OXR1: variants seen among roughly 807,000 people sequenced by gnomAD.
The protein encoded by OXR1 is oxidation resistance protein 1.
Under a neutral mutation model 104.6 loss-of-function variants are expected in OXR1, and 41 were observed. That is an observed-to-expected ratio of 0.39 (90% CI 0.31 to 0.51). The LOEUF is 0.51. Ranked by LOEUF, OXR1 falls within the 20% of genes least tolerant of loss-of-function variation. The pLI is 0.77. For synonymous variants in OXR1, 348 were observed against 348.4 expected, an observed-to-expected ratio of 1.00 and a Z score of 0.01; for missense variants, 955 against 1,031.9, an observed-to-expected ratio of 0.93 and a Z score of 1.02.
intron 8 of OXR1, 130 bp downstream of exon 8, chr8:106,703,220 A>G (rs982674861): frequency 3.4e-6 from 2 of 582,812 alleles, no homozygotes; most frequent in African/African-American, 3.7e-5. Flanking sequence ...AAACGAAAAT[A>G]TATGCATTAT....
At chr8:106,330,540 T>C (rs760802350) in intron 1 of OXR1, among the ~76,000 whole-genome samples, 9 of 152,214 alleles carry the variant, frequency 5.9e-5, no homozygotes, top group Non-Finnish European at 7.3e-5. Context: ...TTTCTAGGGT[T>C]ATTAGAGAAA....
intron 11 of OXR1, among the ~76,000 whole-genome samples, chr8:106,715,019 T>C (rs1253163787): frequency 3.3e-5 from 5 of 152,168 alleles, no homozygotes; most frequent in African/African-American, 1.2e-4. Flanking sequence ...TAAACCAACA[T>C]TATCAATCTT....
intron 3 of OXR1, among the ~76,000 whole-genome samples, chr8:106,552,978 T>TATA (rs1815971776): frequency 1.3e-5 from 2 of 152,194 alleles, no homozygotes; most frequent in African/African-American, 4.8e-5. Flanking sequence ...TCTCCTTCTC[T>TATA]TTTATTCCCC....
intron 2 of OXR1, among the ~76,000 whole-genome samples, chr8:106,371,927 C>G (rs1033793620): frequency 6.6e-6 from 1 of 152,190 alleles, no homozygotes; most frequent in Non-Finnish European, 1.5e-5. Flanking sequence ...GAAATGGGTG[C>G]TGCCCTTCCC....
rs200739553 is a variant in OXR1 at position 106,283,975 on chromosome 8, C to CT, written c.-139+13618dup. 8.7e-5 allele frequency among the ~76,000 whole-genome samples: 13 copies of CT among 149,354 alleles called. 1 individual carries two copies. Among genetic ancestry groups the CT allele is most frequent in the South Asian group, 8.5e-4 (4 of 4,710 alleles). On this transcript the variant is annotated intron_variant, in intron 1 of 16. Transcript: ENST00000517566. ...AACAGCAGTTTTAGGTTGCATGAAA[C>CT]TTTTTTTTTTAACCCTTTGACCAGC...
At position 106,707,194 on chromosome 8, in the gene OXR1, C is replaced by T. The variant is rs762698488; in HGVS notation, c.1624+49C>T. 3.9e-6 allele frequency: 6 copies of T among 1,554,676 alleles called. No individual in the cohort carries two copies. The Admixed American group carries it at 1.0e-4, about 26-fold the overall frequency. ...GTTAGTTCATCCAATTGTATGGTGT[C>T]TCCGTCTTTCCTCACTGACTCAAAA... On this transcript the variant is annotated intron_variant, in intron 9 of 16. Transcript: ENST00000517566.
At chr8:106,486,547 G>A (rs746967113) in intron 2 of OXR1, among the ~76,000 whole-genome samples, 9 of 152,094 alleles carry the variant, frequency 5.9e-5, no homozygotes, top group South Asian at 2.1e-4. Context: ...AATACTGGTC[G>A]TTTTGTGAAT....
intron 3 of OXR1, among the ~76,000 whole-genome samples, chr8:106,653,844 A>G (rs1228694961): frequency 1.3e-5 from 2 of 152,026 alleles, no homozygotes; most frequent in African/African-American, 4.8e-5. Context: ...AATGTTAAGA[A>G]ATCCATTTAA....
chr8:106,290,783 TCAAA>T (rs1812714633), intron 1 of OXR1, among the ~76,000 whole-genome samples: 1 of 151,988 alleles, frequency 6.6e-6, no homozygotes, highest in African/African-American at 2.4e-5. Context: ...ATTATTAAAG[TCAAA>T]CAAGAGACGA....
intron 2 of OXR1, among the ~76,000 whole-genome samples, chr8:106,413,925 A>G (rs1331517511): frequency 6.6e-6 from 1 of 151,962 alleles, no homozygotes; most frequent in Non-Finnish European, 1.5e-5. Flanking sequence ...ACAGGGTTTC[A>G]CCATGTTGAC....
At chr8:106,479,513 A>G (rs1821990965) in intron 2 of OXR1, among the ~76,000 whole-genome samples, 1 of 151,978 alleles carries the variant, frequency 6.6e-6, no homozygotes, top group Non-Finnish European at 1.5e-5. Context: ...AATTCCAGAG[A>G]GCACTATTGC....
chr8:106,651,873 G>A (rs1325873421), intron 3 of OXR1, among the ~76,000 whole-genome samples: 1 of 151,954 alleles, frequency 6.6e-6, no homozygotes, highest in East Asian at 1.9e-4. Context: ...ACAATATTAA[G>A]TTTTCTAGTC....
At chr8:106,644,943 T>G (rs1012603203) in intron 3 of OXR1, among the ~76,000 whole-genome samples, 5 of 152,206 alleles carry the variant, frequency 3.3e-5, no homozygotes, top group Non-Finnish European at 7.3e-5. Flanking sequence ...CAGCTGATTC[T>G]CATTATCAAC....
intron 3 of OXR1, among the ~76,000 whole-genome samples, chr8:106,536,639 T>C (rs1257159492): frequency 6.6e-6 from 1 of 152,186 alleles, no homozygotes; most frequent in Non-Finnish European, 1.5e-5. Context: ...TTTTAATTTT[T>C]GTGGGTACAT....
At chr8:106,339,300 C>G (rs2130257200) in intron 1 of OXR1, among the ~76,000 whole-genome samples, 1 of 150,992 alleles carries the variant, frequency 6.6e-6, no homozygotes, top group Middle Eastern at 3.4e-3. Flanking sequence ...TAGAGACCAT[C>G]CTGGCTAACA....
chr8:106,335,228 C>T (rs1444268771), intron 1 of OXR1, among the ~76,000 whole-genome samples: 3 of 152,090 alleles, frequency 2.0e-5, no homozygotes, highest in African/African-American at 7.2e-5. Context: ...GGAAGCTTGC[C>T]TAGCTTCCCT....
In OXR1 at chr8:106,543,450, T is replaced by C. The variant is rs146229059; in HGVS notation, c.220+24311T>C. Among the ~76,000 whole-genome samples, 92 of 152,238 alleles carry C rather than the reference T, an allele frequency of 6.0e-4. No homozygotes were observed. In the East Asian group the frequency reaches 0.016, roughly 26 times the overall value. Reference sequence around the variant, plus strand: ...ATTCTTAACCACAACTGGTATGGTATCTTTAAAATTTTATGAAAAGCTACT... The same window carrying C: ...ATTCTTAACCACAACTGGTATGGTACCTTTAAAATTTTATGAAAAGCTACT... On this transcript the variant is annotated intron_variant, in intron 3 of 16. Coordinates refer to ENST00000517566, the MANE Select transcript of OXR1 (RefSeq NM_001198533.2).
chr8:106,706,212 A>G (rs1347674769), intron 8 of OXR1, among the ~76,000 whole-genome samples, 170 bp from the exon 9 acceptor site: 1 of 152,182 alleles, frequency 6.6e-6, no homozygotes, highest in African/African-American at 2.4e-5. Flanking sequence ...CTATAAGGTT[A>G]ATTATTTGGT....
intron 2 of OXR1, among the ~76,000 whole-genome samples, chr8:106,435,392 C>T (rs568886445): frequency 3.9e-5 from 6 of 152,220 alleles, no homozygotes; most frequent in South Asian, 2.1e-4. Context: ...CCTTTGAATC[C>T]GGGCTTGTCA....
Sources: allele counts gnomAD v4.1 joint callset (sites outside exome capture counted in the v4.1 genomes callset), GRCh38; gene constraint gnomAD v4.1.1; transcripts MANE v1.5; gene names NCBI Gene and HGNC (gene_info 2026-07-23, HGNC 2026-07-21).